The following MYO10 variants were observed in gnomAD, a reference collection of about 807,000 sequenced individuals.
MYO10 encodes myosin X.
MYO10 carries 133 observed loss-of-function variants against 257.3 expected under a neutral mutation model. The ratio of observed to expected loss-of-function variants is 0.52; its 90% CI spans 0.45 to 0.60. The LOEUF is 0.60. Among genes scored for constraint, MYO10 ranks in the 20% least tolerant of loss-of-function variants. The pLI, the probability that MYO10 is intolerant of heterozygous loss-of-function variation, is 0.00. For synonymous variants in MYO10, 1,104 were observed against 1,028.6 expected (o/e 1.07, Z -1.40); for missense variants, 2,399 against 2,635.7 (o/e 0.91, Z 1.97).
At chr5:16,916,847 A>C (rs1184534437) in intron 1 of MYO10, among the ~76,000 whole-genome samples, 6 of 152,238 alleles carry the variant, frequency 3.9e-5, no homozygotes, top group Non-Finnish European at 8.8e-5. Flanking sequence ...TGCCTCTTGC[A>C]TTATCAGGGT....
chr5:16,854,967 A>G (rs1183474311), intron 2 of MYO10, among the ~76,000 whole-genome samples: 1 of 151,946 alleles, frequency 6.6e-6, no homozygotes, highest in Non-Finnish European at 1.5e-5. Context: ...TGGGAGGCGG[A>G]GGTTGCAGTG....
chr5:16,703,564 C>G (rs16869021), intron 22 of MYO10, among the ~76,000 whole-genome samples: 2,388 of 152,174 alleles, frequency 0.016, 51 homozygotes, highest in African/African-American at 0.054. Context: ...ATAGTGGATG[C>G]AACTAAAACG....
intron 1 of MYO10, among the ~76,000 whole-genome samples, chr5:16,893,199 A>AC (rs1202002874): frequency 2.1e-5 from 3 of 145,810 alleles, no homozygotes; most frequent in Non-Finnish European, 4.5e-5. Flanking sequence ...TCTGTCTCAA[A>AC]AAAAAAAAAA....
At chr5:16,809,012 A>G (rs1742354671) in intron 3 of MYO10, among the ~76,000 whole-genome samples, 1 of 152,176 alleles carries the variant, frequency 6.6e-6, no homozygotes, top group South Asian at 2.1e-4. Context: ...GAAGAAAAAA[A>G]AAAATCACAA....
At chr5:16,711,295 T>C (rs1738599010) in intron 19 of MYO10, 50 bp from the exon 20 acceptor site, 1 of 1,564,396 alleles carries the variant, frequency 6.4e-7, no homozygotes, top group Non-Finnish European at 8.7e-7. Context: ...AAAATGGAAT[T>C]CGATAAGGGA....
chr5:16,842,809 T>C (rs1743522127), intron 2 of MYO10, among the ~76,000 whole-genome samples: 1 of 151,348 alleles, frequency 6.6e-6, no homozygotes, highest in Non-Finnish European at 1.5e-5. Context: ...ATGGGTAGAT[T>C]GCTTGAGCCT....
At chr5:16,785,051 A>G (rs1741534966) in intron 4 of MYO10, among the ~76,000 whole-genome samples, 1 of 152,248 alleles carries the variant, frequency 6.6e-6, no homozygotes. Context: ...TGCGGCAGAC[A>G]ACAAAGATCT....
At chr5:16,729,606 G>A (rs962854957) in intron 19 of MYO10, among the ~76,000 whole-genome samples, 14 of 151,798 alleles carry the variant, frequency 9.2e-5, no homozygotes, top group South Asian at 2.1e-4. Flanking sequence ...CACCACACCC[G>A]GCTAATTTTT....
intron 3 of MYO10, among the ~76,000 whole-genome samples, chr5:16,816,254 A>T (rs2126702634): frequency 6.7e-6 from 1 of 148,872 alleles, no homozygotes; most frequent in African/African-American, 2.5e-5. Context: ...CAGGAGAATC[A>T]CTTGAACCCA....
chr5:16,891,222 G>A (rs778419930), intron 1 of MYO10, among the ~76,000 whole-genome samples: 18 of 151,692 alleles, frequency 1.2e-4, no homozygotes, highest in Admixed American at 9.2e-4. Flanking sequence ...TTGAACTCAG[G>A]AGGCAGAGGT....
At chr5:16,758,014 A>G (rs1284404585) in intron 18 of MYO10, 104 bp downstream of exon 18, 17 of 893,092 alleles carry the variant, frequency 1.9e-5, no homozygotes. Context: ...AGGAAACAAA[A>G]ATAAACAAAT....
intron 4 of MYO10, among the ~76,000 whole-genome samples, chr5:16,788,358 G>T (rs1356180475): frequency 6.6e-6 from 1 of 152,148 alleles, no homozygotes; most frequent in Non-Finnish European, 1.5e-5. Context: ...CACCAGGTTT[G>T]TGCATTTGTC....
Position 16,777,839 on chromosome 5 carries a change from C to CTTTTTTT in MYO10, c.930+1699_930+1705dup, listed in dbSNP as rs61326508. On this transcript the variant is annotated intron_variant, in intron 9 of 40. Transcript: ENST00000513610. ...GCCACCCTAGGTGCATTGCATCTAA[C>CTTTTTTT]TTTTTTTTTTTTTTTTTTTTTTTTT... Among the ~76,000 whole-genome samples the CTTTTTTT allele has an allele frequency of 2.4e-3, 211 of 88,462 alleles. 31 individuals carry two copies. Among genetic ancestry groups the CTTTTTTT allele is most frequent in the African/African-American group, 7.4e-3 (138 of 18,638 alleles). 58.0% of individuals were successfully genotyped at this position (88,462 alleles called of 152,430 possible). A position where few individuals can be genotyped will look rare whatever the true frequency, so the allele number is the denominator to read the frequency against.
chr5:16,676,967 T>C (rs1016536820), intron 33 of MYO10, among the ~76,000 whole-genome samples: 4 of 152,240 alleles, frequency 2.6e-5, no homozygotes, highest in African/African-American at 9.6e-5. Context: ...AGTTCTTGAA[T>C]TGCTGTTTTC....
intron 35 of MYO10, among the ~76,000 whole-genome samples, chr5:16,674,227 G>A (rs1346706932): frequency 1.3e-5 from 2 of 152,276 alleles, no homozygotes; most frequent in African/African-American, 4.8e-5. Flanking sequence ...CAGCACTTTG[G>A]GAGGCCGAGG....
chr5:16,828,461 A>T (rs1418933959), intron 2 of MYO10, among the ~76,000 whole-genome samples: 3 of 152,042 alleles, frequency 2.0e-5, no homozygotes, highest in Non-Finnish European at 2.9e-5. Context: ...TCTACTAAAA[A>T]TAACAAAAGT....
chr5:16,740,655 G>C (rs566722716), intron 19 of MYO10, among the ~76,000 whole-genome samples: 220 of 152,136 alleles, frequency 1.4e-3, no homozygotes, highest in African/African-American at 5.2e-3. Context: ...GCAGAGAGAG[G>C]GAAGCACTTC....
chr5:16,810,730 A>G (rs1742410952), intron 3 of MYO10, among the ~76,000 whole-genome samples: 1 of 152,076 alleles, frequency 6.6e-6, no homozygotes, highest in Non-Finnish European at 1.5e-5. Context: ...AACTATGATC[A>G]CACCATTGCA....
At chr5:16,821,611 C>T (rs375485587) in intron 2 of MYO10, among the ~76,000 whole-genome samples, 9 of 151,650 alleles carry the variant, frequency 5.9e-5, no homozygotes, top group East Asian at 5.9e-4. Flanking sequence ...GGACTACAGG[C>T]GCCCACCACC....
Sources: allele counts gnomAD v4.1 joint callset (sites outside exome capture counted in the v4.1 genomes callset), GRCh38; gene constraint gnomAD v4.1.1; transcripts MANE v1.5; gene names NCBI Gene and HGNC (gene_info 2026-07-23, HGNC 2026-07-21).